ZC3H12B: variants seen among roughly 807,000 people sequenced by gnomAD.
ZC3H12B encodes the protein probable ribonuclease ZC3H12B.
Under a neutral mutation model 43.9 loss-of-function variants are expected in ZC3H12B, and 7 were observed. The observed-to-expected ratio is 0.16, with a 90% confidence interval of 0.09 to 0.30. The LOEUF is 0.30. Ranked by LOEUF, ZC3H12B falls within the 10% of genes least tolerant of loss-of-function variation. ZC3H12B has a pLI of 1.00. For synonymous variants in ZC3H12B, 222 were observed against 241.7 expected, an observed-to-expected ratio of 0.92 and a Z score of 0.76; for missense variants, 475 against 670.2, an observed-to-expected ratio of 0.71 and a Z score of 3.22.
the ZC3H12B span, among the ~76,000 whole-genome samples, chrX:65,116,353 G>A: frequency 8.1e-5 from 9 of 110,890 alleles, no homozygotes; most frequent in Admixed American, 1.9e-4. Context: ...ACATCAGTTG[G>A]ATGTAAGTAT....
At chrX:65,268,508 C>T in the ZC3H12B span, among the ~76,000 whole-genome samples, 1 of 111,932 alleles carries the variant, frequency 8.9e-6, no homozygotes, top group Non-Finnish European at 1.9e-5. Flanking sequence ...TGCAAAAATT[C>T]TCAATGAAAT....
the ZC3H12B span, among the ~76,000 whole-genome samples, chrX:65,119,514 T>G: frequency 8.9e-5 from 10 of 112,037 alleles, no homozygotes; most frequent in East Asian, 2.8e-3. Context: ...TCTTGTAAAT[T>G]TGTTTGAGTT....
the ZC3H12B span, among the ~76,000 whole-genome samples, chrX:65,205,929 A>C: frequency 8.9e-6 from 1 of 111,853 alleles, no homozygotes; most frequent in Non-Finnish European, 1.9e-5. Context: ...ATAGCTGCAA[A>C]AAAAGTAAAA....
the ZC3H12B span, among the ~76,000 whole-genome samples, chrX:65,190,752 A>G: frequency 9.3e-6 from 1 of 107,483 alleles, no homozygotes; most frequent in African/African-American, 3.4e-5. Flanking sequence ...AAACAGGGAC[A>G]ATTTGACTTC....
intron 3 of ZC3H12B, among the ~76,000 whole-genome samples, chrX:65,432,610 C>G (rs1001045973): frequency 8.9e-6 from 1 of 111,898 alleles, no homozygotes. Flanking sequence ...ATAAATGAAC[C>G]AGAATAAGAC....
the ZC3H12B span, among the ~76,000 whole-genome samples, chrX:65,166,205 C>G: frequency 1.8e-5 from 2 of 110,430 alleles, no homozygotes; most frequent in African/African-American, 6.6e-5. Flanking sequence ...TCTTCCCACC[C>G]CACGACAGGC....
At chrX:65,351,899 G>A in the ZC3H12B span, among the ~76,000 whole-genome samples, 1 of 112,421 alleles carries the variant, frequency 8.9e-6, no homozygotes, top group Non-Finnish European at 1.9e-5. Context: ...CATTGTAGAA[G>A]ACAGTGTGGT....
chrX:65,436,804 C>T (rs947600537), intron 3 of ZC3H12B, among the ~76,000 whole-genome samples: 1 of 111,430 alleles, frequency 9.0e-6, no homozygotes, highest in Non-Finnish European at 1.9e-5. Context: ...GAGTATTCAT[C>T]ATATCAAGCA....
At chrX:65,389,751 G>C (rs1301333752) in intron 2 of ZC3H12B, among the ~76,000 whole-genome samples, 1 of 112,381 alleles carries the variant, frequency 8.9e-6, no homozygotes, top group East Asian at 2.8e-4. Context: ...GACTGGAGCT[G>C]TTCCTATTCG....
intron 4 of ZC3H12B, 141 bp from the exon 10 acceptor site, chrX:65,501,648 T>C (rs1354530458): frequency 1.8e-6 from 1 of 565,810 alleles, no homozygotes; most frequent in Non-Finnish European, 2.7e-6. Context: ...TGTCTGTCTC[T>C]CATCTTTGTG....
the ZC3H12B span, among the ~76,000 whole-genome samples, chrX:65,065,382 A>T: frequency 4.5e-5 from 5 of 111,582 alleles, no homozygotes; most frequent in Non-Finnish European, 9.4e-5. Context: ...AAATGATTTT[A>T]TTTCTCTATT....
At chrX:65,130,077 G>T in the ZC3H12B span, among the ~76,000 whole-genome samples, 12 of 111,679 alleles carry the variant, frequency 1.1e-4, no homozygotes, top group Non-Finnish European at 2.1e-4. Flanking sequence ...AGGGGGTTTA[G>T]TGTGATTATT....
chrX:65,418,360 A>G (rs1448405504), intron 3 of ZC3H12B, among the ~76,000 whole-genome samples: 1 of 112,010 alleles, frequency 8.9e-6, no homozygotes, highest in Non-Finnish European at 1.9e-5. Context: ...GATAATTTTA[A>G]ATACAAAAAT....
chrX:65,244,838 A>G, the ZC3H12B span, among the ~76,000 whole-genome samples: 2 of 110,131 alleles, frequency 1.8e-5, no homozygotes, highest in Non-Finnish European at 3.8e-5. Flanking sequence ...TGTAATACTT[A>G]TTATGTATGT....
At chrX:65,132,315 A>T in the ZC3H12B span, among the ~76,000 whole-genome samples, 1 of 111,356 alleles carries the variant, frequency 9.0e-6, no homozygotes. Flanking sequence ...AGGAGAGTTT[A>T]TAGGTTTTAG....
At chrX:65,262,583 A>C in the ZC3H12B span, among the ~76,000 whole-genome samples, 3 of 111,363 alleles carry the variant, frequency 2.7e-5, no homozygotes, top group East Asian at 8.4e-4. Context: ...TGCTGTCAAT[A>C]TCATGATAGA....
intron 2 of ZC3H12B, among the ~76,000 whole-genome samples, chrX:65,389,641 T>C (rs1224547871): frequency 1.8e-5 from 2 of 112,636 alleles, no homozygotes; most frequent in Non-Finnish European, 3.8e-5. Context: ...CCCACAGTCC[T>C]GCACCCACTT....
At chrX:65,333,739 T>C in the ZC3H12B span, among the ~76,000 whole-genome samples, 3 of 111,741 alleles carry the variant, frequency 2.7e-5, no homozygotes, top group African/African-American at 9.7e-5. Context: ...TAGTTGATTA[T>C]GAAACAACCT....
intron 2 of ZC3H12B, among the ~76,000 whole-genome samples, chrX:65,372,235 T>G (rs932052732): frequency 2.7e-5 from 3 of 111,948 alleles, no homozygotes; most frequent in African/African-American, 9.7e-5. Context: ...TATTTTAGAT[T>G]CAAAGGCTCT....
Sources: gnomAD v4.1 joint callset for allele counts (sites outside exome capture counted in the v4.1 genomes callset) on GRCh38, gnomAD v4.1.1 for gene constraint, MANE v1.5 for transcripts, NCBI Gene and HGNC (gene_info 2026-07-23, HGNC 2026-07-21) for gene names.